Variants in WDHD1 observed in about 807,000 individuals in gnomAD.
The protein encoded by WDHD1 is WD repeat and HMG-box DNA-binding protein 1.
A neutral mutation model predicts 135.4 loss-of-function variants in WDHD1; 111 were observed. The observed-to-expected ratio is 0.82, with a 90% confidence interval of 0.70 to 0.96. The LOEUF (loss-of-function observed/expected upper bound fraction) is 0.96, where lower values mean the gene tolerates loss of function less well. WDHD1 is among the 40% of genes least tolerant of loss of function. WDHD1 has a pLI of 0.00. For missense variants in WDHD1, 1,351 were observed against 1,336.3 expected, an observed-to-expected ratio of 1.01 and a Z score of -0.17; for synonymous variants, 434 against 439.0, an observed-to-expected ratio of 0.99 and a Z score of 0.14.
intron 15 of WDHD1, among the ~76,000 whole-genome samples, chr14:54,983,295 CA>C (rs1189837983): frequency 2.6e-5 from 4 of 151,858 alleles, no homozygotes; most frequent in Non-Finnish European, 5.9e-5. Flanking sequence ...ATGTGAGCCA[CA>C]AGTGTAATTT....
chr14:54,969,344 A>C (rs971011304), intron 16 of WDHD1, among the ~76,000 whole-genome samples: 4 of 38,756 alleles, frequency 1.0e-4, no homozygotes, highest in Admixed American at 6.1e-4. Flanking sequence ...CCGTTTCAAG[A>C]AAAAAAAAAA....
Position 54,955,574 on chromosome 14 carries a change from T to G in WDHD1, c.3037A>C (p.Thr1013Pro). The G allele has an allele frequency of 6.4e-7, 1 of 1,569,260 alleles. No individual in the cohort carries two copies. The highest frequency in any genetic ancestry group is 1.2e-5 in the South Asian group (1 of 82,678). The change falls in exon 24 of 26, where the codon ACT (threonine) becomes CCT (proline). Residue 1013 changes from threonine to proline, a missense_variant. By Grantham distance (38) the Thr-to-Pro change is conservative. Transcript: ENST00000360586. The part of the protein sequence containing the change: ...ETPAICPPQN[T>P]ENQRPKTGFQ... ...CTATGTACTGACCTTTGGTTTTCAG[T>G]GTTTTGAGGAGGACATATAGCTGGG...
At chr14:54,951,483 C>T (rs1268336160) in intron 24 of WDHD1, among the ~76,000 whole-genome samples, 1 of 152,050 alleles carries the variant, frequency 6.6e-6, no homozygotes, top group Non-Finnish European at 1.5e-5. Flanking sequence ...CAATAACAGG[C>T]TCTGAAATTG....
At chr14:54,947,974 G>C (rs1221716433) in intron 24 of WDHD1, among the ~76,000 whole-genome samples, 1 of 151,814 alleles carries the variant, frequency 6.6e-6, no homozygotes, top group Non-Finnish European at 1.5e-5. Context: ...CCAGCACTTT[G>C]GGAGGCCAAG....
chr14:54,947,049 T>C (rs1439285414), intron 24 of WDHD1, among the ~76,000 whole-genome samples: 1 of 148,344 alleles, frequency 6.7e-6, no homozygotes, highest in Non-Finnish European at 1.5e-5. Context: ...TCAAAAAAAG[T>C]GTTAGGCGGG....
intron 13 of WDHD1, among the ~76,000 whole-genome samples, chr14:54,988,232 G>GT (rs11402342): frequency 0.35 from 52,798 of 149,130 alleles, 9,482 homozygotes; most frequent in African/African-American, 0.41. Context: ...TTGTTTTTCC[G>GT]TTTTTTTTTC....
chr14:54,955,731 G>A (rs758192026), intron 23 of WDHD1, 37 bp from the exon 24 acceptor site: 1 of 1,421,538 alleles, frequency 7.0e-7, no homozygotes, highest in East Asian at 2.7e-5. Context: ...ATAACATCTA[G>A]TATAATTTTA....
chr14:54,987,202 C>G lies in WDHD1; in HGVS notation c.1712G>C (p.Gly571Ala), dbSNP rs202140737. ...ATGTCCTGCCATTGACACCACAGGT[C>G]CAGCAAGGCTGAATACCTCTTTTTG... ...GVQKEVFSLA[G>A]PVVSMAGHGE... The change falls in exon 14 of 26, where the codon GGA becomes GCA. Residue 571 changes from glycine (G) to alanine (A), a missense_variant. Gly to Ala is a moderately conservative substitution (Grantham distance 60). This residue lies in a region of WDHD1 where 1,330 missense variants were observed against 1,296.1 expected (regional missense o/e 1.03). Transcript: ENST00000360586. 1.8e-5 allele frequency: 29 copies of G among 1,614,008 alleles called. No individual in the cohort carries two copies. Among genetic ancestry groups the G allele is most frequent in the Non-Finnish European group, 2.4e-5 (28 of 1,180,018 alleles).
rs774802718 is a variant in WDHD1, at chr14:54,955,585, G to A, written c.3026C>T (p.Pro1009Leu). The A allele has an allele frequency of 5.0e-6, 8 of 1,586,002 alleles. No homozygotes were observed. The Admixed American group carries it at 1.3e-4, about 26-fold the overall frequency. The stretch of plus-strand genomic sequence containing the variant: ...CCTTTGGTTTTCAGTGTTTTGAGGA[G>A]GACATATAGCTGGGGTTTCAGATAA... The part of the protein sequence containing the change: ...NVLSETPAIC[P>L]PQNTENQRPK... The change falls in exon 24 of 26, where the codon CCT becomes CTT. Residue 1009 changes from proline (P) to leucine (L), a missense_variant. Physicochemically the swap from Pro to Leu is moderately conservative, Grantham distance 98. Around this residue, in one of 2 missense-constraint regions of WDHD1, gnomAD observed 1,330 missense variants for 1,296.1 expected, o/e 1.03. Transcript: ENST00000360586.
At chr14:54,983,593 A>G (rs1427266991) in intron 15 of WDHD1, among the ~76,000 whole-genome samples, 1 of 152,150 alleles carries the variant, frequency 6.6e-6, no homozygotes, top group Non-Finnish European at 1.5e-5. Context: ...GAATTGCTGG[A>G]ACCCGGAAGG....
At chr14:54,941,891 C>T (rs1434619605) in intron 25 of WDHD1, among the ~76,000 whole-genome samples, 2 of 152,138 alleles carry the variant, frequency 1.3e-5, no homozygotes, top group African/African-American at 2.4e-5. Context: ...TTTTATATCT[C>T]AATCTAAGCT....
intron 24 of WDHD1, among the ~76,000 whole-genome samples, chr14:54,953,536 A>C (rs1378597706): frequency 2.0e-5 from 3 of 152,242 alleles, no homozygotes; most frequent in Non-Finnish European, 4.4e-5. Flanking sequence ...ACTGTAAACT[A>C]GTTCAACCAT....
Position 55,017,491 on chromosome 14 carries a change from C to T in WDHD1, c.78-3895G>A, listed in dbSNP as rs547362332. On this transcript the variant is annotated intron_variant, in intron 2 of 25. Coordinates refer to ENST00000360586, the MANE Select transcript of WDHD1 (RefSeq NM_007086.4). ...CCAAGTAGCTAGTATTACAGGCACGCACCACCCACACCTGGCTAAATTTCG... is the reference window on the plus strand; with the variant it reads ...CCAAGTAGCTAGTATTACAGGCACGTACCACCCACACCTGGCTAAATTTCG... Among the ~76,000 whole-genome samples the T allele has an allele frequency of 2.2e-4, 33 of 151,970 alleles. 1 individual carries two copies. Among genetic ancestry groups the T allele is most frequent in the Non-Finnish European group, 4.4e-4 (30 of 67,988 alleles).
At chr14:55,007,014 C>T (rs1284528698) in intron 7 of WDHD1, among the ~76,000 whole-genome samples, 1 of 151,902 alleles carries the variant, frequency 6.6e-6, no homozygotes, top group Non-Finnish European at 1.5e-5. Context: ...ATTGCCTGAG[C>T]TCAGGAGTTC....
chr14:54,992,043 C>T lies in WDHD1; in HGVS notation c.1154-643G>A, dbSNP rs558053775. ...CCGAGGCAGGCAGATCACTTAAGGT[C>T]GGGAGTTCCACGTTGACCAGCCTGG... On this transcript the variant is annotated intron_variant, in intron 11 of 25. Coordinates refer to ENST00000360586, the MANE Select transcript of WDHD1 (RefSeq NM_007086.4). 1.2e-4 allele frequency among the ~76,000 whole-genome samples: 18 copies of T among 152,234 alleles called. No individual in the cohort carries two copies. In the South Asian group the frequency reaches 3.1e-3, roughly 26 times the overall value.
intron 2 of WDHD1, among the ~76,000 whole-genome samples, chr14:55,024,851 C>T (rs1441452682): frequency 8.1e-5 from 9 of 110,938 alleles, no homozygotes; most frequent in Admixed American, 3.2e-4. Flanking sequence ...TGCGGAAGGC[C>T]GCAGGGACCT....
Position 54,945,690 on chromosome 14 carries a change from G to A in WDHD1, c.3051-1220C>T, listed in dbSNP as rs535803461. ...CAAACAGCTGGGACTACAGGTACGC[G>A]CCACCACACCCAGCTAATTTTTGTA... On this transcript the variant is annotated intron_variant, in intron 24 of 25. Coordinates refer to ENST00000360586, the MANE Select transcript of WDHD1 (RefSeq NM_007086.4). Among the ~76,000 whole-genome samples, 146 of 152,162 alleles carry A rather than the reference G, an allele frequency of 9.6e-4. 1 individual carries two copies. Among genetic ancestry groups the A allele is most frequent in the Middle Eastern group, 3.4e-3 (1 of 294 alleles).
chr14:54,952,668 A>T (rs909785211), intron 24 of WDHD1, among the ~76,000 whole-genome samples: 1 of 152,226 alleles, frequency 6.6e-6, no homozygotes, highest in Non-Finnish European at 1.5e-5. Flanking sequence ...GAACCAAAAA[A>T]GAGCCCGCAT....
chr14:54,961,995 C>A (rs1276577863), intron 21 of WDHD1, among the ~76,000 whole-genome samples: 1 of 152,122 alleles, frequency 6.6e-6, no homozygotes, highest in Non-Finnish European at 1.5e-5. Context: ...TACCACCACC[C>A]TCAGCTAATT....
Sources: allele counts gnomAD v4.1 joint callset (sites outside exome capture counted in the v4.1 genomes callset), GRCh38; gene constraint gnomAD v4.1.1; regional missense constraint gnomAD v4.1.1; transcripts MANE v1.5; gene names NCBI Gene and HGNC (gene_info 2026-07-23, HGNC 2026-07-21).